PRKCE: variants seen among roughly 807,000 people sequenced by gnomAD.
The protein encoded by PRKCE is protein kinase C epsilon, also known as protein kinase C epsilon type.
Under a neutral mutation model 85.4 loss-of-function variants are expected in PRKCE, and 16 were observed. The ratio of observed to expected loss-of-function variants is 0.19; its 90% CI spans 0.13 to 0.28. The LOEUF is 0.28. PRKCE is among the 10% of genes least tolerant of loss of function. The pLI, the probability that PRKCE is intolerant of heterozygous loss-of-function variation, is 1.00. For missense variants in PRKCE, 573 were observed against 975.2 expected, an observed-to-expected ratio of 0.59 and a Z score of 5.49; for synonymous variants, 388 against 371.5, an observed-to-expected ratio of 1.04 and a Z score of -0.51.
rs1037193854 is a variant in PRKCE, at chr2:46,168,151, A to AGGCCTGGGCT, written c.2067+8410_2067+8419dup. On this transcript the variant is annotated intron_variant, in intron 14 of 14. Coordinates refer to ENST00000306156, the MANE Select transcript of PRKCE (RefSeq NM_005400.3). ...TACCCCCACTCCAGGGAAGAGTGTG[A>AGGCCTGGGCT]GGCCTGGGCTGGCCTGGGCTTTGCT... is the stretch of plus-strand genomic sequence containing the variant. Among the ~76,000 whole-genome samples the AGGCCTGGGCT allele has an allele frequency of 4.1e-4, 63 of 152,260 alleles. 1 individual carries two copies. Among genetic ancestry groups the AGGCCTGGGCT allele is most frequent in the African/African-American group, 1.4e-3 (59 of 41,560 alleles).
rs1196962315 is a variant in PRKCE, at chr2:45,774,904, G to A, written c.349-68096G>A. Among the ~76,000 whole-genome samples the A allele has an allele frequency of 3.3e-5, 5 of 150,064 alleles. No homozygotes were observed. Among genetic ancestry groups the A allele is most frequent in the African/African-American group, 9.7e-5 (4 of 41,418 alleles). On this transcript the variant is annotated intron_variant, in intron 1 of 14. Transcript: ENST00000306156. This position sits in a 1 kb window ranked among gnomAD's most constrained non-coding sequence, Gnocchi z 4.3. ...GTGACCCGAGGAAGCCCAGTGACAC[G>A]GTCCCAGCAAGGGTGTGGTGAAGGA... is the stretch of plus-strand genomic sequence containing the variant.
At chr2:45,940,579 C>T (rs944771353) in intron 2 of PRKCE, among the ~76,000 whole-genome samples, 3 of 152,174 alleles carry the variant, frequency 2.0e-5, no homozygotes, top group Non-Finnish European at 4.4e-5. Flanking sequence ...AAGATGATGA[C>T]TTGTATCCAG....
Position 45,928,806 on chromosome 2 carries a change from C to T in PRKCE, c.413-47623C>T, listed in dbSNP as rs60860556. Among the ~76,000 whole-genome samples, 1,339 of 152,112 alleles carry T rather than the reference C, an allele frequency of 8.8e-3. 66 individuals are homozygous for T. In the East Asian group the frequency reaches 0.15, roughly 17 times the overall value. The stretch of plus-strand genomic sequence containing the variant: ...TTTTTTCCTAGAAAGGTCCGCAGCT[C>T]ATGCATATAATGCATGCACATAATC... On this transcript the variant is annotated intron_variant, in intron 2 of 14. Coordinates refer to ENST00000306156, the MANE Select transcript of PRKCE (RefSeq NM_005400.3).
At chr2:45,926,820 T>G (rs1202777852) in intron 2 of PRKCE, among the ~76,000 whole-genome samples, 2 of 152,116 alleles carry the variant, frequency 1.3e-5, no homozygotes, top group Non-Finnish European at 2.9e-5. Context: ...GGACACAGGA[T>G]AGTAGAAGTA....
chr2:45,831,176 A>G (rs188550296), intron 1 of PRKCE, among the ~76,000 whole-genome samples: 1 of 152,370 alleles, frequency 6.6e-6, no homozygotes, highest in East Asian at 1.9e-4. Flanking sequence ...ATTAGATGCT[A>G]GGTATATTAG....
chr2:46,145,286 G>A lies in PRKCE; in HGVS notation c.1731+55G>A. The A allele has an allele frequency of 6.3e-7, 1 of 1,591,626 alleles. No homozygotes were observed. The highest frequency in any genetic ancestry group is 8.5e-7 in the Non-Finnish European group (1 of 1,174,052). Reference sequence around the variant, plus strand: ...TCCTGGTGCCAGGACCGAGGCAGGGGTCCAAACCCATGCACTGGGGTCATC... The same window carrying A: ...TCCTGGTGCCAGGACCGAGGCAGGGATCCAAACCCATGCACTGGGGTCATC... On this transcript the variant is annotated intron_variant, in intron 12 of 14. Transcript: ENST00000306156. The surrounding 1 kb of genome is among the most constrained non-coding windows in gnomAD (Gnocchi z 4.6).
Position 45,996,004 on chromosome 2 carries a change from T to A in PRKCE, c.824-5400T>A, listed in dbSNP as rs573665540. Among the ~76,000 whole-genome samples the A allele has an allele frequency of 5.0e-4, 76 of 152,344 alleles. No homozygotes were observed. In the South Asian group the frequency reaches 0.015, roughly 30 times the overall value. On this transcript the variant is annotated intron_variant, in intron 6 of 14. Coordinates refer to ENST00000306156, the MANE Select transcript of PRKCE (RefSeq NM_005400.3). ...TCTTTCTATCCATGAATACGGTATA[T>A]CTCTATATGTATTTAGTTCTTGATT...
intron 10 of PRKCE, among the ~76,000 whole-genome samples, chr2:46,042,727 G>T (rs926263292): frequency 6.6e-6 from 1 of 152,192 alleles, no homozygotes; most frequent in African/African-American, 2.4e-5. Flanking sequence ...CACCAGAGGC[G>T]AAGGGTGGGT....
At chr2:45,740,879 A>C (rs1682502592) in intron 1 of PRKCE, among the ~76,000 whole-genome samples, 1 of 152,230 alleles carries the variant, frequency 6.6e-6, no homozygotes. Flanking sequence ...GTGGTTTGTG[A>C]AGTTTTAGTA....
chr2:46,094,877 C>G (rs1670533859), intron 11 of PRKCE, among the ~76,000 whole-genome samples: 4 of 151,360 alleles, frequency 2.6e-5, no homozygotes, highest in African/African-American at 9.7e-5. Context: ...CTCAGTGCTG[C>G]TGTGCAGAAG....
chr2:46,063,566 A>G (rs1295506743), intron 10 of PRKCE, among the ~76,000 whole-genome samples: 2 of 152,186 alleles, frequency 1.3e-5, no homozygotes, highest in East Asian at 3.9e-4. Flanking sequence ...GATGGCGCCC[A>G]TCTTTGGAAA....
intron 1 of PRKCE, among the ~76,000 whole-genome samples, chr2:45,670,165 G>A (rs764479985): frequency 5.9e-5 from 9 of 152,074 alleles, no homozygotes; most frequent in Non-Finnish European, 1.3e-4. Flanking sequence ...CCAGTAAGTC[G>A]GCCGCGTGCC....
chr2:45,704,701 G>A (rs1386441626), intron 1 of PRKCE, among the ~76,000 whole-genome samples: 1 of 152,214 alleles, frequency 6.6e-6, no homozygotes, highest in Non-Finnish European at 1.5e-5. Context: ...GCACATGCAG[G>A]TGCCCAGCAA....
At chr2:45,730,904 A>G (rs373398015) in intron 1 of PRKCE, among the ~76,000 whole-genome samples, 10 of 152,326 alleles carry the variant, frequency 6.6e-5, no homozygotes, top group African/African-American at 2.4e-4. Context: ...TATTTGTAAA[A>G]CATTTTTAAA....
At chr2:45,699,671 C>G (rs1369755776) in intron 1 of PRKCE, among the ~76,000 whole-genome samples, 6 of 152,152 alleles carry the variant, frequency 3.9e-5, no homozygotes, top group African/African-American at 1.4e-4. Context: ...GGAAACCAGT[C>G]TTGTTTTTTT....
At chr2:45,963,419 C>T (rs1372664865) in intron 2 of PRKCE, among the ~76,000 whole-genome samples, 1 of 152,206 alleles carries the variant, frequency 6.6e-6, no homozygotes, top group Non-Finnish European at 1.5e-5. Flanking sequence ...AGCAACTCTC[C>T]TGCCTCAGCC....
chr2:45,868,593 G>A (rs1379658029), intron 2 of PRKCE, among the ~76,000 whole-genome samples: 1 of 150,310 alleles, frequency 6.7e-6, no homozygotes, highest in Admixed American at 6.6e-5. Flanking sequence ...CAAAATACTG[G>A]GATTATAGGC....
intron 2 of PRKCE, among the ~76,000 whole-genome samples, chr2:45,902,717 C>A (rs1374176552): frequency 1.3e-5 from 2 of 152,044 alleles, no homozygotes; most frequent in African/African-American, 4.8e-5. Flanking sequence ...AGCCCCCAGA[C>A]CTAAAGTAGG....
At chr2:45,948,031 C>T (rs1299810152) in intron 2 of PRKCE, among the ~76,000 whole-genome samples, 1 of 152,198 alleles carries the variant, frequency 6.6e-6, no homozygotes, top group Admixed American at 6.5e-5. Flanking sequence ...GCATTGCTCA[C>T]CTACGTGAAT....
Sources: allele counts gnomAD v4.1 joint callset (sites outside exome capture counted in the v4.1 genomes callset), GRCh38; gene constraint gnomAD v4.1.1; non-coding constraint Gnocchi (gnomAD v3.1); transcripts MANE v1.5; gene names NCBI Gene and HGNC (gene_info 2026-07-23, HGNC 2026-07-21).